PIBF1: variants seen among roughly 807,000 people sequenced by gnomAD.
PIBF1 encodes the protein progesterone-induced-blocking factor 1.
In PIBF1, 90 loss-of-function variants were observed where a neutral mutation model predicts 112.5. The ratio of observed to expected loss-of-function variants is 0.80; its 90% confidence interval spans 0.67 to 0.95. The LOEUF is 0.95. Ranked by LOEUF, PIBF1 falls within the 40% of genes least tolerant of loss-of-function variation. The pLI is 0.00. For synonymous variants in PIBF1, 301 were observed against 288.6 expected (o/e 1.04, Z -0.44); for missense variants, 915 against 852.3 (o/e 1.07, Z -0.92).
chr13:72,865,465 A>G (rs952433140), intron 10 of PIBF1, among the ~76,000 whole-genome samples: 6 of 152,336 alleles, frequency 3.9e-5, no homozygotes, highest in Admixed American at 2.0e-4. Context: ...AATTTATGCA[A>G]TCCTGTGAAT....
chr13:72,962,292 A>G (rs1161634945), intron 14 of PIBF1, among the ~76,000 whole-genome samples: 1 of 152,158 alleles, frequency 6.6e-6, no homozygotes. Context: ...TAAGAAAACA[A>G]TTCCATGTAC....
chr13:72,815,702 G>A (rs1405095692), intron 5 of PIBF1, among the ~76,000 whole-genome samples: 1 of 152,050 alleles, frequency 6.6e-6, no homozygotes, highest in Non-Finnish European at 1.5e-5. Flanking sequence ...GTCTCAGTCT[G>A]TCATTCAGGC....
At chr13:72,861,420 T>C (rs2138370901) in intron 10 of PIBF1, among the ~76,000 whole-genome samples, 1 of 152,276 alleles carries the variant, frequency 6.6e-6, no homozygotes. Context: ...AGGATTTTTG[T>C]CCTCATTTTG....
chr13:72,913,447 A>G (rs1458578821), intron 12 of PIBF1, among the ~76,000 whole-genome samples: 1 of 152,150 alleles, frequency 6.6e-6, no homozygotes, highest in Non-Finnish European at 1.5e-5. Context: ...ACGGGTGGAT[A>G]TATGTATAAT....
At chr13:72,860,919 G>A (rs1025649332) in intron 10 of PIBF1, among the ~76,000 whole-genome samples, 4 of 152,142 alleles carry the variant, frequency 2.6e-5, no homozygotes, top group African/African-American at 4.8e-5. Context: ...TTATTATGTC[G>A]TATTCTGTTG....
intron 10 of PIBF1, among the ~76,000 whole-genome samples, chr13:72,873,927 G>T (rs998338807): frequency 6.6e-6 from 1 of 152,112 alleles, no homozygotes; most frequent in African/African-American, 2.4e-5. Context: ...TTTTAAAATG[G>T]CCAAAGGATT....
chr13:72,989,921 A>T (rs546128392), intron 16 of PIBF1, among the ~76,000 whole-genome samples: 1 of 152,196 alleles, frequency 6.6e-6, no homozygotes, highest in African/African-American at 2.4e-5. Context: ...ATGCTTTATT[A>T]AAAAATGCCC....
At chr13:72,896,876 G>A (rs1009986550) in intron 11 of PIBF1, among the ~76,000 whole-genome samples, 2 of 152,138 alleles carry the variant, frequency 1.3e-5, no homozygotes, top group East Asian at 1.9e-4. Context: ...AAACATATTT[G>A]GGGGAATAAT....
At chr13:72,925,440 A>G (rs1384855574) in intron 13 of PIBF1, among the ~76,000 whole-genome samples, 1 of 145,660 alleles carries the variant, frequency 6.9e-6, no homozygotes, top group Non-Finnish European at 1.5e-5. Flanking sequence ...AGGTTTTTAT[A>G]TTTTCTGGAT....
At chr13:72,961,583 G>T (rs898836052) in intron 14 of PIBF1, among the ~76,000 whole-genome samples, 1 of 152,004 alleles carries the variant, frequency 6.6e-6, no homozygotes, top group East Asian at 1.9e-4. Context: ...GACGTTTATC[G>T]CCAAATAGTA....
intron 14 of PIBF1, among the ~76,000 whole-genome samples, chr13:72,962,317 GA>G (rs781653237): frequency 6.6e-6 from 1 of 152,104 alleles, no homozygotes; most frequent in East Asian, 1.9e-4. Context: ...GCATCAAAAA[GA>G]AAAAAATACA....
At chr13:72,805,155 T>G (rs548316345) in intron 5 of PIBF1, among the ~76,000 whole-genome samples, 1 of 152,216 alleles carries the variant, frequency 6.6e-6, no homozygotes, top group South Asian at 2.1e-4. Context: ...TGTTTGTTTG[T>G]TTTTTGAGAT....
chr13:72,893,885 A>G lies in PIBF1; in HGVS notation c.1424A>G (p.Glu475Gly), dbSNP rs770423283. The G allele has an allele frequency of 1.9e-6, 3 of 1,608,678 alleles. No homozygotes were observed. The South Asian group carries it at 3.3e-5, about 18-fold the overall frequency. Residue 475 changes from glutamate (E) to glycine (G), a missense_variant, in exon 11 of 18, where the codon GAG becomes GGG. By Grantham distance (98) the Glu-to-Gly change is moderately conservative. Transcript: ENST00000326291. ...AGTGAGCGTGTTCAACTTCTGCAAGAGGAAACAGCAAGAAATCTCACACAG... is the reference window on the plus strand; with the variant it reads ...AGTGAGCGTGTTCAACTTCTGCAAGGGGAAACAGCAAGAAATCTCACACAG... The part of the protein sequence containing the change: ...FESERVQLLQ[E>G]ETARNLTQCQ...
chr13:72,788,182 T>C (rs2034703806), intron 2 of PIBF1, among the ~76,000 whole-genome samples: 2 of 152,232 alleles, frequency 1.3e-5, no homozygotes. Flanking sequence ...TGAAATGGCC[T>C]GATCTTAAGT....
intron 10 of PIBF1, among the ~76,000 whole-genome samples, chr13:72,867,390 A>G (rs2038971906): frequency 1.3e-5 from 2 of 152,228 alleles, no homozygotes; most frequent in Non-Finnish European, 2.9e-5. Flanking sequence ...ATGGACTAAT[A>G]CAGTTATTAA....
chr13:72,924,237 C>A (rs569440444), intron 13 of PIBF1, among the ~76,000 whole-genome samples: 4 of 152,070 alleles, frequency 2.6e-5, no homozygotes, highest in African/African-American at 9.6e-5. Context: ...AAGACATTTG[C>A]CTTCTTCTTT....
chr13:72,928,631 G>A (rs1378655470), intron 13 of PIBF1, among the ~76,000 whole-genome samples: 4 of 152,072 alleles, frequency 2.6e-5, no homozygotes, highest in East Asian at 3.9e-4. Flanking sequence ...GTAGAGACAG[G>A]GTTTCACCAT....
chr13:72,850,322 A>C (rs1389849860), intron 9 of PIBF1, among the ~76,000 whole-genome samples: 3 of 152,190 alleles, frequency 2.0e-5, no homozygotes, highest in Non-Finnish European at 4.4e-5. Flanking sequence ...ACTTTTAAAA[A>C]ATGTTTCACT....
intron 13 of PIBF1, among the ~76,000 whole-genome samples, chr13:72,929,652 G>A (rs1390274180): frequency 6.6e-6 from 1 of 151,972 alleles, no homozygotes; most frequent in African/African-American, 2.4e-5. Context: ...TTGCATATCA[G>A]TAAAATTGTA....
Sources: gnomAD v4.1 joint callset for allele counts (sites outside exome capture counted in the v4.1 genomes callset) on GRCh38, gnomAD v4.1.1 for gene constraint, MANE v1.5 for transcripts, NCBI Gene and HGNC (gene_info 2026-07-23, HGNC 2026-07-21) for gene names.